The following SCFD2 variants were observed in gnomAD, a reference collection of about 807,000 sequenced individuals.
The protein encoded by SCFD2 is sec1 family domain-containing protein 2.
In SCFD2, 54 loss-of-function variants were observed where a neutral mutation model predicts 58.9. That is an observed-to-expected ratio of 0.92 (90% CI 0.74 to 1.15). SCFD2 has a LOEUF of 1.15. Among genes scored for constraint, SCFD2 ranks in the 50% most tolerant of loss-of-function variants. SCFD2 has a pLI of 0.00. For synonymous variants in SCFD2, 321 were observed against 335.9 expected (o/e 0.96, Z 0.49); for missense variants, 805 against 836.6 (o/e 0.96, Z 0.47).
chr4:52,876,509 G>A (rs1043243960), intron 8 of SCFD2, among the ~76,000 whole-genome samples: 1 of 152,022 alleles, frequency 6.6e-6, no homozygotes, highest in East Asian at 1.9e-4. Flanking sequence ...CAGCACTTTG[G>A]GAGGCCGATT....
At chr4:53,204,523 GA>G (rs1560383883) in intron 4 of SCFD2, among the ~76,000 whole-genome samples, 1 of 148,918 alleles carries the variant, frequency 6.7e-6, no homozygotes, top group South Asian at 2.1e-4. Context: ...AGAGGAAGAA[GA>G]AAAAAAAGAA....
intron 3 of SCFD2, among the ~76,000 whole-genome samples, chr4:53,304,441 C>T (rs1732448365): frequency 6.6e-6 from 1 of 152,124 alleles, no homozygotes; most frequent in African/African-American, 2.4e-5. Context: ...TGGTTCCATT[C>T]TCCCCATCAC....
intron 2 of SCFD2, among the ~76,000 whole-genome samples, chr4:53,352,100 C>T (rs146549356): frequency 3.9e-5 from 6 of 152,182 alleles, no homozygotes; most frequent in East Asian, 1.9e-4. Flanking sequence ...TGCATAACAA[C>T]GTACATAATC....
intron 5 of SCFD2, among the ~76,000 whole-genome samples, chr4:53,129,589 G>A (rs1310424628): frequency 2.0e-5 from 3 of 151,960 alleles, no homozygotes; most frequent in Non-Finnish European, 4.4e-5. Flanking sequence ...TGCAATTTTA[G>A]GCTGAAATGG....
At chr4:52,907,921 A>G (rs565790814) in intron 6 of SCFD2, among the ~76,000 whole-genome samples, 14 of 152,338 alleles carry the variant, frequency 9.2e-5, no homozygotes, top group Admixed American at 5.9e-4. Context: ...ACTGAGAAAC[A>G]AAGTACTGTT....
intron 5 of SCFD2, among the ~76,000 whole-genome samples, chr4:52,979,488 T>G (rs1721328613): frequency 6.6e-6 from 1 of 152,034 alleles, no homozygotes; most frequent in African/African-American, 2.4e-5. Context: ...ACTGAAAAGG[T>G]GTCTTGGGTG....
chr4:53,015,846 T>C (rs1722200620), intron 5 of SCFD2, among the ~76,000 whole-genome samples: 1 of 152,204 alleles, frequency 6.6e-6, no homozygotes, highest in African/African-American at 2.4e-5. Flanking sequence ...CTTCTCTTAT[T>C]GTACAGTCTC....
intron 5 of SCFD2, among the ~76,000 whole-genome samples, chr4:53,012,814 C>CTGTGTG (rs533768079): frequency 2.2e-4 from 32 of 146,238 alleles, no homozygotes; most frequent in Middle Eastern, 3.5e-3. Flanking sequence ...CCCCTCCTTT[C>CTGTGTG]TGTGTGTGTG....
intron 4 of SCFD2, among the ~76,000 whole-genome samples, chr4:53,173,502 C>A (rs1407006457): frequency 6.6e-6 from 1 of 152,110 alleles, no homozygotes; most frequent in African/African-American, 2.4e-5. Flanking sequence ...TTGTAGGCAG[C>A]ATATAGTTGG....
intron 7 of SCFD2, among the ~76,000 whole-genome samples, chr4:52,897,321 G>A (rs1198410694): frequency 2.0e-5 from 3 of 152,164 alleles, no homozygotes; most frequent in Non-Finnish European, 4.4e-5. Context: ...ATTATTTTGA[G>A]AAACGTCCCA....
At chr4:52,983,950 A>C (rs1302495956) in intron 5 of SCFD2, among the ~76,000 whole-genome samples, 1 of 152,228 alleles carries the variant, frequency 6.6e-6, no homozygotes, top group African/African-American at 2.4e-5. Context: ...GTTTTGCCAA[A>C]CATTTCTTTT....
intron 5 of SCFD2, among the ~76,000 whole-genome samples, chr4:52,972,394 G>C (rs7356263): frequency 0.33 from 50,147 of 151,892 alleles, 9,280 homozygotes; most frequent in Admixed American, 0.46. Context: ...AGACTTTAAA[G>C]CAACAAAGAT....
At chr4:53,059,344 C>CA (rs1488874131) in intron 5 of SCFD2, among the ~76,000 whole-genome samples, 3 of 152,120 alleles carry the variant, frequency 2.0e-5, no homozygotes, top group Non-Finnish European at 4.4e-5. Flanking sequence ...ATGGGCCTGG[C>CA]ATGATAACAA....
At chr4:53,043,425 G>A (rs916615500) in intron 5 of SCFD2, among the ~76,000 whole-genome samples, 6 of 152,122 alleles carry the variant, frequency 3.9e-5, no homozygotes, top group Non-Finnish European at 8.8e-5. Flanking sequence ...AAAGAAATCA[G>A]CCATGCTTAA....
chr4:53,000,763 G>C (rs1721846000), intron 5 of SCFD2, among the ~76,000 whole-genome samples: 1 of 152,228 alleles, frequency 6.6e-6, no homozygotes, highest in Non-Finnish European at 1.5e-5. Context: ...ACTTGTTGTT[G>C]AGGACCTGTT....
chr4:53,139,067 C>T (rs1726030811), intron 5 of SCFD2, among the ~76,000 whole-genome samples: 3 of 152,176 alleles, frequency 2.0e-5, no homozygotes, highest in South Asian at 4.1e-4. Flanking sequence ...GACGGGGTTT[C>T]GCCATGTTGG....
chr4:53,194,048 T>C (rs990648604), intron 4 of SCFD2, among the ~76,000 whole-genome samples: 2 of 152,214 alleles, frequency 1.3e-5, no homozygotes, highest in African/African-American at 2.4e-5. Flanking sequence ...ATTGGCTTCC[T>C]ACTATGATGG....
At chr4:53,214,720 C>A (rs527768535) in intron 4 of SCFD2, among the ~76,000 whole-genome samples, 1 of 152,124 alleles carries the variant, frequency 6.6e-6, no homozygotes, top group Non-Finnish European at 1.5e-5. Context: ...GACATGAAGT[C>A]CTTGCCCATG....
intron 4 of SCFD2, among the ~76,000 whole-genome samples, chr4:53,187,941 G>A (rs1727784234): frequency 1.3e-5 from 2 of 152,042 alleles, no homozygotes; most frequent in Non-Finnish European, 1.5e-5. Context: ...CATTGTTCAG[G>A]TAGAATATAT....
Sources: gnomAD v4.1 joint callset for allele counts (sites outside exome capture counted in the v4.1 genomes callset) on GRCh38, gnomAD v4.1.1 for gene constraint, MANE v1.5 for transcripts, NCBI Gene and HGNC (gene_info 2026-07-23, HGNC 2026-07-21) for gene names.